The following SLC4A10 variants were observed in gnomAD, a reference collection of about 807,000 sequenced individuals.
SLC4A10 encodes the protein sodium-driven chloride bicarbonate exchanger.
In SLC4A10, 42 loss-of-function variants were observed where a neutral mutation model predicts 137.7. The observed-to-expected ratio is 0.30, with a 90% CI of 0.24 to 0.39. The LOEUF (loss-of-function observed/expected upper bound fraction) is 0.39. Among genes scored for constraint, SLC4A10 ranks in the 10% least tolerant of loss-of-function variants. SLC4A10 has a pLI of 1.00. For synonymous variants in SLC4A10, 474 were observed against 464.1 expected (o/e 1.02, Z -0.27); for missense variants, 925 against 1,355.0 (o/e 0.68, Z 4.98).
At chr2:161,918,847 A>G (rs1163183961) in intron 15 of SLC4A10, among the ~76,000 whole-genome samples, 3 of 152,186 alleles carry the variant, frequency 2.0e-5, no homozygotes, top group Non-Finnish European at 2.9e-5. Flanking sequence ...TCTGTGGAGC[A>G]GGCAGGACCC....
At chr2:161,705,041 G>C (rs975762577) in intron 1 of SLC4A10, among the ~76,000 whole-genome samples, 1 of 151,538 alleles carries the variant, frequency 6.6e-6, no homozygotes, top group African/African-American at 2.4e-5. Context: ...GGTATTTGAA[G>C]CAAGTCACTT....
intron 1 of SLC4A10, among the ~76,000 whole-genome samples, chr2:161,676,388 T>G (rs1324738068): frequency 6.6e-6 from 1 of 152,204 alleles, no homozygotes; most frequent in Non-Finnish European, 1.5e-5. Context: ...TATTGCCTAT[T>G]TTTTGCTAGA....
At chr2:161,864,886 G>T (rs1206283695) in intron 6 of SLC4A10, among the ~76,000 whole-genome samples, 1 of 152,106 alleles carries the variant, frequency 6.6e-6, no homozygotes, top group East Asian at 1.9e-4. Context: ...TGGTATGGTA[G>T]TGTTAAAATA....
intron 19 of SLC4A10, among the ~76,000 whole-genome samples, chr2:161,955,397 A>G (rs1341206088): frequency 6.6e-6 from 1 of 152,190 alleles, no homozygotes; most frequent in Non-Finnish European, 1.5e-5. Context: ...CTTACTAATC[A>G]AATTCTTTCT....
chr2:161,653,481 C>T (rs2037093074), intron 1 of SLC4A10, among the ~76,000 whole-genome samples: 1 of 152,150 alleles, frequency 6.6e-6, no homozygotes, highest in African/African-American at 2.4e-5. Context: ...AAAGCATTCC[C>T]ATTTTTCCAC....
intron 1 of SLC4A10, among the ~76,000 whole-genome samples, chr2:161,660,202 G>A (rs1263235445): frequency 6.6e-6 from 1 of 152,152 alleles, no homozygotes; most frequent in Non-Finnish European, 1.5e-5. Flanking sequence ...TAAAAATAAA[G>A]AATTGCATGA....
chr2:161,877,887 C>A (rs542991688), intron 8 of SLC4A10, among the ~76,000 whole-genome samples: 22 of 151,770 alleles, frequency 1.4e-4, no homozygotes, highest in African/African-American at 5.3e-4. Context: ...TATATTTAAT[C>A]CTTGTGAAAG....
At chr2:161,698,040 T>G (rs1453677682) in intron 1 of SLC4A10, among the ~76,000 whole-genome samples, 1 of 152,228 alleles carries the variant, frequency 6.6e-6, no homozygotes, top group Non-Finnish European at 1.5e-5. Flanking sequence ...GTAAGTTGGA[T>G]TCCTAGGTAT....
At chr2:161,758,559 T>G (rs186318660) in intron 1 of SLC4A10, among the ~76,000 whole-genome samples, 62 of 152,084 alleles carry the variant, frequency 4.1e-4, no homozygotes, top group African/African-American at 1.2e-3. Context: ...CAAATCTAAT[T>G]TACCTGTAAA....
chr2:161,720,741 C>T (rs892510458), intron 1 of SLC4A10, among the ~76,000 whole-genome samples: 3 of 152,056 alleles, frequency 2.0e-5, no homozygotes, highest in Non-Finnish European at 2.9e-5. Context: ...GTAAATTTTC[C>T]TCCATCCCTT....
Position 161,958,477 on chromosome 2 carries a change from T to C in SLC4A10, c.2794-10T>C. On this transcript the variant is annotated splice_polypyrimidine_tract_variant and intron_variant, in intron 20 of 26. Transcript: ENST00000446997. ...TGATTTCTGCCTTTTCTCCAATTGT[T>C]CTTTTACAGTTTATTCCCATGCCAG... 6.2e-7 allele frequency: 1 copy of C among 1,605,104 alleles called. No homozygotes were observed. The highest frequency in any genetic ancestry group is 8.5e-7 in the Non-Finnish European group (1 of 1,174,342).
At chr2:161,900,769 G>T (rs1682914709) in intron 11 of SLC4A10, 142 bp from the exon 12 acceptor site, 3 of 565,564 alleles carry the variant, frequency 5.3e-6, no homozygotes, top group Non-Finnish European at 6.2e-6. Flanking sequence ...CTTCCTGGAG[G>T]TCAAGCAACA....
chr2:161,768,501 T>A (rs971242688), intron 1 of SLC4A10, among the ~76,000 whole-genome samples: 2 of 152,030 alleles, frequency 1.3e-5, no homozygotes, highest in Admixed American at 6.6e-5. Context: ...CTAGTGGATC[T>A]GGCCTCTCCT....
intron 1 of SLC4A10, among the ~76,000 whole-genome samples, chr2:161,685,623 CA>C (rs1438626799): frequency 2.1e-5 from 3 of 141,482 alleles, no homozygotes; most frequent in Non-Finnish European, 3.0e-5. Flanking sequence ...AACAAACAAA[CA>C]AACAAACAAA....
chr2:161,778,174 G>A (rs2052601337), intron 2 of SLC4A10, among the ~76,000 whole-genome samples: 1 of 151,770 alleles, frequency 6.6e-6, no homozygotes, highest in Admixed American at 6.6e-5. Flanking sequence ...TTTCTGTATT[G>A]TCCAATGCCA....
intron 1 of SLC4A10, among the ~76,000 whole-genome samples, chr2:161,640,095 T>A (rs1320761415): frequency 6.6e-6 from 1 of 152,176 alleles, no homozygotes; most frequent in Non-Finnish European, 1.5e-5. Flanking sequence ...GAACTGTTAC[T>A]TCTCCATTTT....
At chr2:161,669,305 A>T (rs1277421452) in intron 1 of SLC4A10, among the ~76,000 whole-genome samples, 2 of 151,856 alleles carry the variant, frequency 1.3e-5, no homozygotes, top group South Asian at 4.1e-4. Context: ...ACAGTGAAGG[A>T]TATATCCAAG....
At chr2:161,695,695 T>C (rs1444524681) in intron 1 of SLC4A10, among the ~76,000 whole-genome samples, 1 of 152,142 alleles carries the variant, frequency 6.6e-6, no homozygotes, top group African/African-American at 2.4e-5. Context: ...TTATAGAATA[T>C]CTTCTCAAGA....
In SLC4A10 at chr2:161,905,856, C is replaced by A. The variant is rs1340688247; in HGVS notation, c.1966C>A (p.His656Asn). The change falls in exon 15 of 27, where the codon CAT becomes AAT. Residue 656 changes from histidine to asparagine, a missense_variant. Physicochemically the swap from His to Asn is moderately conservative, Grantham distance 68. Around this residue, in one of 11 missense-constraint regions of SLC4A10, gnomAD observed 91 missense variants for 95.6 expected, o/e 0.95. Coordinates refer to ENST00000446997, the MANE Select transcript of SLC4A10 (RefSeq NM_001178015.2). ...CAGTGAAGCATATCCAATCAACATG[C>A]ATAATGATCTGGAACTGCTGACACA... ...ELSEAYPINMHNDLELLTQYS... is the reference protein window; with the variant it reads ...ELSEAYPINMNNDLELLTQYS... 1.2e-6 allele frequency: 2 copies of A among 1,613,222 alleles called. No homozygotes were observed. Among genetic ancestry groups the A allele is most frequent in the African/African-American group, 1.3e-5 (1 of 75,024 alleles).
Sources: gnomAD v4.1 joint callset for allele counts (sites outside exome capture counted in the v4.1 genomes callset) on GRCh38, gnomAD v4.1.1 for gene constraint, gnomAD v4.1.1 regional missense constraint, MANE v1.5 for transcripts, NCBI Gene and HGNC (gene_info 2026-07-23, HGNC 2026-07-21) for gene names.